The following ADCY8 variants were observed in gnomAD, a reference collection of about 807,000 sequenced individuals.
ADCY8 encodes the protein adenylate cyclase type 8.
Under a neutral mutation model 119.7 loss-of-function variants are expected in ADCY8, and 51 were observed. That is an observed-to-expected ratio of 0.43 (90% CI 0.34 to 0.54). ADCY8 has a LOEUF of 0.54. Ranked by LOEUF, ADCY8 falls within the 20% of genes least tolerant of loss-of-function variation. The pLI is 0.03. For missense variants in ADCY8, 1,383 were observed against 1,598.8 expected (o/e 0.87, Z 2.30); for synonymous variants, 665 against 651.0 (o/e 1.02, Z -0.33).
At chr8:130,816,126 G>A (rs560447093) in intron 13 of ADCY8, among the ~76,000 whole-genome samples, 13 of 152,266 alleles carry the variant, frequency 8.5e-5, no homozygotes, top group Non-Finnish European at 1.9e-4. Flanking sequence ...TAAAGTCTCA[G>A]TGGATGGCAA....
intron 5 of ADCY8, among the ~76,000 whole-genome samples, chr8:130,923,988 G>A (rs746645673): frequency 2.0e-5 from 3 of 152,230 alleles, no homozygotes; most frequent in Non-Finnish European, 2.9e-5. Flanking sequence ...TATTAGAAAT[G>A]TACCAATGTA....
chr8:130,874,818 C>T (rs1458151258), intron 8 of ADCY8, among the ~76,000 whole-genome samples: 3 of 152,124 alleles, frequency 2.0e-5, no homozygotes, highest in Admixed American at 6.6e-5. Flanking sequence ...ATCTTTCATC[C>T]TTGGGAGGAA....
At chr8:130,815,266 C>T (rs886204886) in intron 13 of ADCY8, among the ~76,000 whole-genome samples, 1 of 152,188 alleles carries the variant, frequency 6.6e-6, no homozygotes, top group East Asian at 1.9e-4. Flanking sequence ...AGATAAATTT[C>T]TGTTGTTAAA....
intron 6 of ADCY8, among the ~76,000 whole-genome samples, chr8:130,907,397 G>A (rs1347632275): frequency 2.6e-5 from 4 of 152,234 alleles, no homozygotes; most frequent in African/African-American, 9.6e-5. Flanking sequence ...AAACCATGGT[G>A]AGTCTGGGGT....
chr8:130,956,855 T>C (rs1356458016), intron 2 of ADCY8, among the ~76,000 whole-genome samples: 2 of 152,224 alleles, frequency 1.3e-5, no homozygotes, highest in Admixed American at 6.5e-5. Flanking sequence ...TCATGTAAGA[T>C]GGGATGTGCT....
intron 5 of ADCY8, 61 bp from the exon 6 acceptor site, chr8:130,909,927 T>G: frequency 2.7e-6 from 4 of 1,469,856 alleles, no homozygotes; most frequent in South Asian, 2.5e-5. Flanking sequence ...TCGTTGGCTC[T>G]GCACTTTCTT....
intron 9 of ADCY8, among the ~76,000 whole-genome samples, chr8:130,866,201 G>T (rs544512651): frequency 6.6e-6 from 1 of 152,108 alleles, no homozygotes; most frequent in Admixed American, 6.5e-5. Context: ...AGATTCGTAA[G>T]AATTCTGAGA....
intron 15 of ADCY8, among the ~76,000 whole-genome samples, chr8:130,790,341 C>T (rs1460315251): frequency 4.6e-5 from 7 of 152,112 alleles, no homozygotes; most frequent in South Asian, 2.1e-4. Flanking sequence ...GAGGGTGAAA[C>T]GTCAAAGCCT....
chr8:130,823,858 T>C (rs182483800), intron 12 of ADCY8, among the ~76,000 whole-genome samples: 1 of 152,342 alleles, frequency 6.6e-6, no homozygotes, highest in East Asian at 1.9e-4. Context: ...AAATTTAGGA[T>C]TGCATAGCTC....
intron 5 of ADCY8, among the ~76,000 whole-genome samples, chr8:130,911,655 T>C (rs950580466): frequency 2.6e-5 from 4 of 151,322 alleles, no homozygotes; most frequent in Non-Finnish European, 5.9e-5. Flanking sequence ...TTAAATTGGA[T>C]ACTGTAAATT....
At position 130,954,338 on chromosome 8, in the gene ADCY8, C is replaced by G. The variant is rs147066289; in HGVS notation, c.1111-2340G>C. 7.7e-3 allele frequency among the ~76,000 whole-genome samples: 1,176 copies of G among 152,150 alleles called. 20 individuals carry two copies. The highest frequency in any genetic ancestry group is 0.026 in the African/African-American group (1,087 of 41,498). The stretch of plus-strand genomic sequence containing the variant: ...GGAACTGAAGAGAGACACAAGAAAG[C>G]TATTCATTCACAGGACCTAGTTAGG... On this transcript the variant is annotated intron_variant, in intron 2 of 17. Coordinates refer to ENST00000286355, the MANE Select transcript of ADCY8 (RefSeq NM_001115.3).
At chr8:130,812,909 T>C (rs973101651) in intron 14 of ADCY8, among the ~76,000 whole-genome samples, 3 of 152,084 alleles carry the variant, frequency 2.0e-5, no homozygotes, top group African/African-American at 4.8e-5. Flanking sequence ...TTATTTTTAA[T>C]TGTGGTAAAA....
rs531095620 is a variant in ADCY8, at chr8:130,822,712, T to C, written c.2676-1292A>G. ...CTAGCCTCTGAAGTTTGTGGACCCC[T>C]GAAAAAAGATTAAAGACATGAGGTT... On this transcript the variant is annotated intron_variant, in intron 12 of 17. Transcript: ENST00000286355. Among the ~76,000 whole-genome samples, 5 of 152,296 alleles carry C rather than the reference T, an allele frequency of 3.3e-5. No homozygotes were observed. In the South Asian group the frequency reaches 1.0e-3, roughly 32 times the overall value.
At chr8:130,793,107 C>T (rs1157202665) in intron 15 of ADCY8, among the ~76,000 whole-genome samples, 1 of 152,128 alleles carries the variant, frequency 6.6e-6, no homozygotes, top group African/African-American at 2.4e-5. Flanking sequence ...CTGACTTGCT[C>T]AAGAGAACAA....
chr8:130,844,839 C>T (rs1817249643), intron 11 of ADCY8, among the ~76,000 whole-genome samples: 1 of 152,102 alleles, frequency 6.6e-6, no homozygotes, highest in African/African-American at 2.4e-5. Flanking sequence ...TAACATCAAT[C>T]CATATTCATT....
chr8:130,897,557 GTT>G (rs1819436784), intron 7 of ADCY8, among the ~76,000 whole-genome samples: 2 of 151,110 alleles, frequency 1.3e-5, no homozygotes, highest in Non-Finnish European at 2.9e-5. Flanking sequence ...ATCCTTCTTG[GTT>G]GGGTAGGATT....
rs1441733783 is a variant in ADCY8 at position 130,783,623 on chromosome 8, G to C, written c.3268+68C>G. ...AAAGCTTTCCTGGATTGATGCCCAA[G>C]GCAGGGGAGGGTCTGTTGGAGCAAG... On this transcript the variant is annotated intron_variant, in intron 17 of 17. Transcript: ENST00000286355. 2.7e-6 allele frequency: 3 copies of C among 1,119,582 alleles called. No individual in the cohort carries two copies. In the African/African-American group the frequency reaches 4.6e-5, roughly 17 times the overall value. The allele number at this position is 1,119,582 out of a possible 1,614,324, so 69.4% of individuals were successfully genotyped here. A position where few individuals can be genotyped will look rare whatever the true frequency, so the allele number is the denominator to read the frequency against.
intron 14 of ADCY8, among the ~76,000 whole-genome samples, chr8:130,813,271 GT>G (rs1816228519): frequency 1.3e-5 from 2 of 152,242 alleles, no homozygotes; most frequent in African/African-American, 4.8e-5. Flanking sequence ...TAAGTGTATA[GT>G]TTAGTGGCAT....
intron 5 of ADCY8, among the ~76,000 whole-genome samples, chr8:130,911,617 A>C (rs1276065419): frequency 6.7e-6 from 1 of 149,066 alleles, no homozygotes; most frequent in African/African-American, 2.4e-5. Context: ...TTAAATTTTA[A>C]ATTTGTAATC....
Sources: gnomAD v4.1 joint callset for allele counts (sites outside exome capture counted in the v4.1 genomes callset) on GRCh38, gnomAD v4.1.1 for gene constraint, MANE v1.5 for transcripts, NCBI Gene and HGNC (gene_info 2026-07-23, HGNC 2026-07-21) for gene names.